CYYR1: variants seen among roughly 807,000 people sequenced by gnomAD.
CYYR1 encodes cysteine and tyrosine-rich protein 1.
CYYR1 carries 14 observed loss-of-function variants against 15.2 expected under a neutral mutation model. The ratio of observed to expected loss-of-function variants is 0.92; its 90% confidence interval spans 0.61 to 1.44. The LOEUF (loss-of-function observed/expected upper bound fraction) is 1.44, where lower values mean the gene tolerates loss of function less well. Among genes scored for constraint, CYYR1 ranks in the 40% most tolerant of loss-of-function variants. The pLI is 0.00. For synonymous variants in CYYR1, 80 were observed against 77.4 expected (o/e 1.03, Z -0.18); for missense variants, 228 against 209.5 (o/e 1.09, Z -0.54).
Position 26,572,281 on chromosome 21 carries a change from A to G in CYYR1, c.73+587T>C, listed in dbSNP as rs542731341. Among the ~76,000 whole-genome samples, 20 of 152,318 alleles carry G rather than the reference A, an allele frequency of 1.3e-4. 1 individual carries two copies. Among genetic ancestry groups the G allele is most frequent in the Admixed American group, 2.6e-4 (4 of 15,300 alleles). On this transcript the variant is annotated intron_variant, in intron 1 of 3. Transcript: ENST00000652641. ...CCACTTTGCTTCGTTAATTATTAGC[A>G]GTTCTTACTACGAATAATTAGAAGG...
intron 2 of CYYR1, chr21:26,564,855 A>C: frequency 8.5e-7 from 1 of 1,180,334 alleles, no homozygotes; most frequent in Non-Finnish European, 1.1e-6. Context: ...TGAGAAAAAA[A>C]AAATTTAAAT....
chr21:26,527,758 A>C (rs1009299352), intron 2 of CYYR1, among the ~76,000 whole-genome samples: 1 of 152,158 alleles, frequency 6.6e-6, no homozygotes, highest in South Asian at 2.1e-4. Context: ...GAGGTATCAG[A>C]ATCTTTTATA....
At chr21:26,504,921 G>A (rs1422411567) in intron 2 of CYYR1, among the ~76,000 whole-genome samples, 1 of 152,106 alleles carries the variant, frequency 6.6e-6, no homozygotes, top group Non-Finnish European at 1.5e-5. Context: ...TTGTCTTTCT[G>A]TGCCTGGCTT....
At chr21:26,490,623 A>G (rs2065315197) in intron 2 of CYYR1, among the ~76,000 whole-genome samples, 1 of 152,204 alleles carries the variant, frequency 6.6e-6, no homozygotes, top group Non-Finnish European at 1.5e-5. Flanking sequence ...TTTGAATCAG[A>G]GAGTACTTTT....
At chr21:26,566,580 T>C (rs1046603822) in intron 1 of CYYR1, among the ~76,000 whole-genome samples, 2 of 152,188 alleles carry the variant, frequency 1.3e-5, no homozygotes, top group African/African-American at 2.4e-5. Context: ...AGACAACTCT[T>C]GAATCTTCTA....
At chr21:26,556,968 G>C (rs1176247738) in intron 2 of CYYR1, among the ~76,000 whole-genome samples, 3 of 152,106 alleles carry the variant, frequency 2.0e-5, no homozygotes, top group African/African-American at 4.8e-5. Flanking sequence ...TTTCACTCAT[G>C]GCATCTTGAA....
At chr21:26,571,472 C>A (rs531465159) in intron 1 of CYYR1, among the ~76,000 whole-genome samples, 2 of 152,178 alleles carry the variant, frequency 1.3e-5, no homozygotes. Flanking sequence ...GAGGAGGGGG[C>A]AGATGTGTAA....
chr21:26,477,925 T>C, intron 3 of CYYR1: 1 of 1,311,770 alleles, frequency 7.6e-7, no homozygotes, highest in Middle Eastern at 2.0e-4. Flanking sequence ...TATTTGAAAT[T>C]GCATGTTACT....
At chr21:26,546,404 A>C (rs1978981284) in intron 2 of CYYR1, among the ~76,000 whole-genome samples, 2 of 152,216 alleles carry the variant, frequency 1.3e-5, no homozygotes, top group Admixed American at 1.3e-4. Context: ...TCATGTTGGC[A>C]TCTGATCTTG....
At chr21:26,504,913 G>T (rs1464424084) in intron 2 of CYYR1, among the ~76,000 whole-genome samples, 2 of 152,118 alleles carry the variant, frequency 1.3e-5, no homozygotes, top group Non-Finnish European at 2.9e-5. Flanking sequence ...TGCAATGTTT[G>T]TCTTTCTGTG....
At chr21:26,483,688 C>T (rs1057299645) in intron 2 of CYYR1, among the ~76,000 whole-genome samples, 10 of 152,072 alleles carry the variant, frequency 6.6e-5, no homozygotes, top group South Asian at 2.1e-4. Flanking sequence ...TCTCTGGCTT[C>T]GCTTTGTCGG....
intron 2 of CYYR1, among the ~76,000 whole-genome samples, chr21:26,556,399 A>C (rs1601827878): frequency 6.6e-6 from 1 of 152,162 alleles, no homozygotes; most frequent in East Asian, 1.9e-4. Context: ...TGGAATGTGG[A>C]AGGGCAGACA....
chr21:26,502,149 G>A (rs1397327113), intron 2 of CYYR1, among the ~76,000 whole-genome samples: 1 of 152,018 alleles, frequency 6.6e-6, no homozygotes, highest in African/African-American at 2.4e-5. Flanking sequence ...AGTATGTCTT[G>A]GAAATTTAGA....
At chr21:26,513,998 G>A (rs1460348110) in intron 2 of CYYR1, among the ~76,000 whole-genome samples, 2 of 151,704 alleles carry the variant, frequency 1.3e-5, no homozygotes, top group Admixed American at 1.3e-4. Context: ...CACCAACATG[G>A]CACATGTATA....
chr21:26,559,627 A>AT (rs1443335167), intron 2 of CYYR1, among the ~76,000 whole-genome samples: 4 of 152,162 alleles, frequency 2.6e-5, no homozygotes, highest in Middle Eastern at 3.4e-3. Flanking sequence ...ATAAGAGTGG[A>AT]TTTTTTATTG....
At chr21:26,494,868 G>T (rs1193061982) in intron 2 of CYYR1, among the ~76,000 whole-genome samples, 1 of 152,166 alleles carries the variant, frequency 6.6e-6, no homozygotes, top group Non-Finnish European at 1.5e-5. Flanking sequence ...ACTTACTCTT[G>T]TAAGAGTAAC....
At chr21:26,470,972 T>TAAAC (rs2065025647) in intron 3 of CYYR1, 3 of 152,220 alleles carry the variant, frequency 2.0e-5, no homozygotes, top group African/African-American at 7.2e-5. Flanking sequence ...CACAGCTCTG[T>TAAAC]AAATACATCA....
chr21:26,516,584 C>A (rs2065729564), intron 2 of CYYR1, among the ~76,000 whole-genome samples: 1 of 152,140 alleles, frequency 6.6e-6, no homozygotes, highest in African/African-American at 2.4e-5. Flanking sequence ...AAAATATAAT[C>A]AATTTTTAAT....
chr21:26,565,750 C>T (rs1980572091), intron 2 of CYYR1, among the ~76,000 whole-genome samples: 2 of 152,204 alleles, frequency 1.3e-5, no homozygotes, highest in South Asian at 4.1e-4. Flanking sequence ...GTCTTAGGCT[C>T]TAAACTTGTT....
Sources: gnomAD v4.1 joint callset for allele counts (sites outside exome capture counted in the v4.1 genomes callset) on GRCh38, gnomAD v4.1.1 for gene constraint, MANE v1.5 for transcripts, NCBI Gene and HGNC (gene_info 2026-07-23, HGNC 2026-07-21) for gene names.